The following PIK3AP1 variants were observed in gnomAD, a reference collection of about 807,000 sequenced individuals.
PIK3AP1 encodes the protein phosphoinositide 3-kinase adapter protein 1.
PIK3AP1 carries 21 observed loss-of-function variants against 88.1 expected under a neutral mutation model. The observed-to-expected ratio is 0.24, with a 90% CI of 0.17 to 0.34. The LOEUF (loss-of-function observed/expected upper bound fraction) is 0.34, where lower values mean the gene tolerates loss of function less well. PIK3AP1 is among the 10% of genes least tolerant of loss of function. The probability of loss-of-function intolerance (pLI) is 1.00; values close to 1 mark genes in which losing one functional copy is unlikely to be tolerated. For synonymous variants in PIK3AP1, 398 were observed against 400.0 expected, an observed-to-expected ratio of 1.00 and a Z score of 0.06; for missense variants, 828 against 1,035.7, an observed-to-expected ratio of 0.80 and a Z score of 2.75.
At chr10:96,620,666 A>G in intron 11 of PIK3AP1, 109 bp from the exon 12 acceptor site, 1 of 899,770 alleles carries the variant, frequency 1.1e-6, no homozygotes, top group Non-Finnish European at 1.7e-6. Flanking sequence ...TCTTCTCAAA[A>G]GAACAATTAC....
At chr10:96,710,834 G>A (rs1322398692) in intron 1 of PIK3AP1, among the ~76,000 whole-genome samples, 1 of 152,178 alleles carries the variant, frequency 6.6e-6, no homozygotes, top group Non-Finnish European at 1.5e-5. Flanking sequence ...GCCAAGTAAG[G>A]ATTTGAGTTA....
chr10:96,719,255 G>A (rs534343547), intron 1 of PIK3AP1, among the ~76,000 whole-genome samples: 1 of 152,186 alleles, frequency 6.6e-6, no homozygotes, highest in African/African-American at 2.4e-5. Flanking sequence ...CTCTGCTTCC[G>A]AAGCACCCTT....
At chr10:96,659,812 C>T (rs1352439519) in intron 2 of PIK3AP1, among the ~76,000 whole-genome samples, 2 of 150,816 alleles carry the variant, frequency 1.3e-5, no homozygotes, top group Non-Finnish European at 3.0e-5. Flanking sequence ...AAAGTAATAA[C>T]CATGAAAAAA....
At chr10:96,609,660 C>A in intron 14 of PIK3AP1, 52 bp downstream of exon 14, 2 of 1,584,262 alleles carry the variant, frequency 1.3e-6, no homozygotes, top group Non-Finnish European at 1.7e-6. Context: ...TCCAAGGGTG[C>A]CAGCTGGAGC....
At position 96,720,265 on chromosome 10, in the gene PIK3AP1, G is replaced by A. The variant is rs1844554043; in HGVS notation, c.13+117C>T. 4 of 1,034,484 alleles carry A rather than the reference G, an allele frequency of 3.9e-6. No individual in the cohort carries two copies. In the African/African-American group the frequency reaches 6.6e-5, roughly 17 times the overall value. 64.1% of individuals were successfully genotyped at this position (1,034,484 alleles called of 1,614,324 possible). A position where few individuals can be genotyped will look rare whatever the true frequency, so the allele number is the denominator to read the frequency against. On this transcript the variant is annotated intron_variant, in intron 1 of 16. Transcript: ENST00000339364. The surrounding 1 kb of genome is among the most constrained non-coding windows in gnomAD (Gnocchi z 4.6). ...GGAACATAGAAAAGAGCAGAAAGAGGGCAAGATCCCCGCACAGAGGACGCA... is the reference window on the plus strand; with the variant it reads ...GGAACATAGAAAAGAGCAGAAAGAGAGCAAGATCCCCGCACAGAGGACGCA...
intron 2 of PIK3AP1, among the ~76,000 whole-genome samples, chr10:96,673,055 A>T (rs1257203647): frequency 6.6e-6 from 1 of 152,158 alleles, no homozygotes. Flanking sequence ...AAAGCTCCCA[A>T]CTCCAGATCT....
chr10:96,623,366 A>T, intron 11 of PIK3AP1, 106 bp downstream of exon 11: 1 of 1,122,228 alleles, frequency 8.9e-7, no homozygotes. Flanking sequence ...CCTGGCCTAG[A>T]TCCCTCTATT....
In PIK3AP1 at chr10:96,632,782, G is replaced by A. The variant is rs1047622213; in HGVS notation, c.1376-4289C>T. 3.8e-5 allele frequency: 54 copies of A among 1,419,274 alleles called. No individual in the cohort carries two copies. The African/African-American group carries it at 4.8e-4, about 13-fold the overall frequency. 87.9% of individuals were successfully genotyped at this position (1,419,274 alleles called of 1,614,324 possible). A position where few individuals can be genotyped will look rare whatever the true frequency, so the allele number is the denominator to read the frequency against. On this transcript the variant is annotated intron_variant, in intron 8 of 16. Transcript: ENST00000339364. ...GAAGCGTGGGCATTAGGATCGCAATGCATAGGTTCCAATTGTGTTTTTCCC... is the reference window on the plus strand; with the variant it reads ...GAAGCGTGGGCATTAGGATCGCAATACATAGGTTCCAATTGTGTTTTTCCC...
chr10:96,654,632 C>T (rs1843589860), intron 3 of PIK3AP1, among the ~76,000 whole-genome samples: 2 of 152,186 alleles, frequency 1.3e-5, no homozygotes, highest in Non-Finnish European at 2.9e-5. Context: ...CGGCCTGCCC[C>T]TTCCCCTCTC....
chr10:96,717,109 T>G (rs947504425), intron 1 of PIK3AP1, among the ~76,000 whole-genome samples: 1 of 151,860 alleles, frequency 6.6e-6, no homozygotes, highest in African/African-American at 2.4e-5. Flanking sequence ...AATACAAAAA[T>G]TAGCTGAGTA....
intron 8 of PIK3AP1, among the ~76,000 whole-genome samples, chr10:96,641,278 T>TCTCTTTGGAGAAGA (rs1843386068): frequency 6.6e-6 from 1 of 152,148 alleles, no homozygotes; most frequent in Admixed American, 6.5e-5. Context: ...CTCAGGTGGT[T>TCTCTTTGGAGAAGA]GCCTTGGATT....
At chr10:96,668,740 A>G (rs572893512) in intron 2 of PIK3AP1, among the ~76,000 whole-genome samples, 1 of 152,362 alleles carries the variant, frequency 6.6e-6, no homozygotes, top group Non-Finnish European at 1.5e-5. Flanking sequence ...AAGATTTCTT[A>G]GAAGGATGCA....
At chr10:96,670,041 G>GGCAC (rs1843821874) in intron 2 of PIK3AP1, among the ~76,000 whole-genome samples, 1 of 151,680 alleles carries the variant, frequency 6.6e-6, no homozygotes, top group African/African-American at 2.4e-5. Context: ...CGGGCGTGGT[G>GGCAC]GCACGCGCCT....
intron 2 of PIK3AP1, among the ~76,000 whole-genome samples, chr10:96,662,136 C>T (rs1246446355): frequency 6.6e-6 from 1 of 152,122 alleles, no homozygotes; most frequent in Non-Finnish European, 1.5e-5. Flanking sequence ...GCTGTAGCAG[C>T]ATCATTCCTA....
At chr10:96,607,222 T>G (rs1849017561) in intron 14 of PIK3AP1, among the ~76,000 whole-genome samples, 1 of 152,186 alleles carries the variant, frequency 6.6e-6, no homozygotes, top group Non-Finnish European at 1.5e-5. Flanking sequence ...GAATTATTTC[T>G]ATTTGGAAGG....
At chr10:96,636,609 C>T (rs1436340164) in intron 8 of PIK3AP1, among the ~76,000 whole-genome samples, 1 of 152,218 alleles carries the variant, frequency 6.6e-6, no homozygotes, top group African/African-American at 2.4e-5. Context: ...CTTCAGATCC[C>T]AAGCACTTAA....
At chr10:96,708,313 G>A (rs1446291234) in intron 2 of PIK3AP1, among the ~76,000 whole-genome samples, 6 of 152,048 alleles carry the variant, frequency 3.9e-5, no homozygotes, top group Non-Finnish European at 7.4e-5. Flanking sequence ...GGTGGCTCAC[G>A]CCTGTAATCC....
chr10:96,597,148 A>G (rs1456331364), intron 16 of PIK3AP1, among the ~76,000 whole-genome samples: 13 of 151,998 alleles, frequency 8.6e-5, no homozygotes, highest in Admixed American at 6.6e-4. Context: ...GCCTCCTTCT[A>G]TCTCTTCAGC....
chr10:96,596,989 G>A (rs1351298196), intron 16 of PIK3AP1, among the ~76,000 whole-genome samples: 1 of 152,190 alleles, frequency 6.6e-6, no homozygotes, highest in Non-Finnish European at 1.5e-5. Context: ...GGAAAAGAGG[G>A]GCTGCCTCAG....
Sources: gnomAD v4.1 joint callset for allele counts (sites outside exome capture counted in the v4.1 genomes callset) on GRCh38, gnomAD v4.1.1 for gene constraint, Gnocchi (gnomAD v3.1) non-coding constraint, MANE v1.5 for transcripts, NCBI Gene and HGNC (gene_info 2026-07-23, HGNC 2026-07-21) for gene names.